Variants in RARS2 observed in about 807,000 individuals in gnomAD.
RARS2 encodes probable arginine--tRNA ligase, mitochondrial.
RARS2 carries 67 observed loss-of-function variants against 88.5 expected under a neutral mutation model. The observed-to-expected ratio is 0.76, with a 90% CI of 0.62 to 0.93. The LOEUF (loss-of-function observed/expected upper bound fraction) is 0.93. RARS2 is among the 40% of genes least tolerant of loss of function. The pLI is 0.00. For synonymous variants in RARS2, 239 were observed against 230.3 expected, an observed-to-expected ratio of 1.04 and a Z score of -0.34; for missense variants, 664 against 684.2, an observed-to-expected ratio of 0.97 and a Z score of 0.33.
rs1487679511 is a variant in RARS2, at chr6:87,576,270, A to ATT, written c.37-6682_37-6681dup. Among the ~76,000 whole-genome samples the ATT allele has an allele frequency of 8.0e-5, 7 of 87,630 alleles. 1 individual carries two copies. Among genetic ancestry groups the ATT allele is most frequent in the African/African-American group, 3.3e-4 (6 of 18,240 alleles). 57.5% of individuals were successfully genotyped at this position (87,630 alleles called of 152,430 possible). ...ACATTTACAGGTATAATAAACACAA[A>ATT]TTTCTTTTTTTTTTTTTTTTTTTTG... is the stretch of plus-strand genomic sequence containing the variant. On this transcript the variant is annotated intron_variant, in intron 1 of 19. Coordinates refer to ENST00000369536, the MANE Select transcript of RARS2 (RefSeq NM_020320.5).
intron 18 of RARS2, 106 bp from the exon 19 acceptor site, chr6:87,515,126 C>T: frequency 1.1e-6 from 1 of 890,266 alleles, no homozygotes; most frequent in Admixed American, 1.8e-5. Context: ...AAGCCCAGAA[C>T]CATTAAAGGA....
rs1012150893 is a variant in RARS2 at position 87,516,478 on chromosome 6, A to G, written c.1586+328T>C. 5.9e-5 allele frequency among the ~76,000 whole-genome samples: 9 copies of G among 152,240 alleles called. No individual in the cohort carries two copies. The East Asian group carries it at 1.7e-3, about 29-fold the overall frequency. On this transcript the variant is annotated intron_variant, in intron 18 of 19. Transcript: ENST00000369536. ...CCCAGCCACATTCCTTCTGATTAATATCTCCTTTCCTCTGAGAAGCCCTCT... is the reference window on the plus strand; with the variant it reads ...CCCAGCCACATTCCTTCTGATTAATGTCTCCTTTCCTCTGAGAAGCCCTCT...
At chr6:87,574,925 C>G (rs1215228414) in intron 1 of RARS2, among the ~76,000 whole-genome samples, 1 of 150,182 alleles carries the variant, frequency 6.7e-6, no homozygotes, top group Non-Finnish European at 1.5e-5. Flanking sequence ...TTAATGTAAT[C>G]AGAAAAATAA....
rs1360803540 is a variant in RARS2 at position 87,588,466 on chromosome 6, C to T, written c.36+1456G>A. 2.6e-5 allele frequency among the ~76,000 whole-genome samples: 4 copies of T among 152,022 alleles called. No individual in the cohort carries two copies. The East Asian group carries it at 5.8e-4, about 22-fold the overall frequency. On this transcript the variant is annotated intron_variant, in intron 1 of 19. Transcript: ENST00000369536. ...CACTGTAGCTTCAAACTCGTGGGTC[C>T]GTCCAAGTGATCCTCCAGACTCAGC...
intron 4 of RARS2, among the ~76,000 whole-genome samples, chr6:87,561,479 T>C (rs1316913115): frequency 6.6e-6 from 1 of 152,206 alleles, no homozygotes; most frequent in East Asian, 1.9e-4. Context: ...TCACGGCAAC[T>C]TGAATCTGTG....
intron 7 of RARS2, 30 bp downstream of exon 7, chr6:87,545,586 A>C (rs1386023836): frequency 1.9e-6 from 3 of 1,612,966 alleles, no homozygotes; most frequent in Non-Finnish European, 2.5e-6. Context: ...TTTACAATGA[A>C]ATGAAAAATA....
intron 2 of RARS2, among the ~76,000 whole-genome samples, chr6:87,567,328 C>G (rs1031102426): frequency 6.6e-6 from 1 of 152,140 alleles, no homozygotes; most frequent in Non-Finnish European, 1.5e-5. Flanking sequence ...TAAACTAGTC[C>G]CTGTACACTC....
chr6:87,524,283 A>G (rs1774946983), intron 11 of RARS2, among the ~76,000 whole-genome samples: 1 of 152,210 alleles, frequency 6.6e-6, no homozygotes, highest in Admixed American at 6.5e-5. Flanking sequence ...TGCTTTACCA[A>G]ATCCCAATGA....
chr6:87,574,915 TTAATG>T (rs144768773), intron 1 of RARS2, among the ~76,000 whole-genome samples: 16,244 of 151,306 alleles, frequency 0.11, 900 homozygotes, highest in East Asian at 0.15. Flanking sequence ...AATACAAAGA[TTAATG>T]TAATCAGAAA....
Position 87,515,033 on chromosome 6 carries a change from G to T in RARS2, c.1587-13C>A. ...AGCTGCAAGATGACTGAAACAGGAA[G>T]AGAGAAATCACGATAGTACCAGCAG... On this transcript the variant is annotated splice_polypyrimidine_tract_variant and intron_variant, in intron 18 of 19. Transcript: ENST00000369536. The T allele has an allele frequency of 3.1e-6, 5 of 1,603,526 alleles. No individual in the cohort carries two copies. The highest frequency in any genetic ancestry group is 4.3e-6 in the Non-Finnish European group (5 of 1,170,388).
chr6:87,573,696 C>A lies in RARS2; in HGVS notation c.37-4106G>T, dbSNP rs1452040002. Among the ~76,000 whole-genome samples, 2 of 151,516 alleles carry A rather than the reference C, an allele frequency of 1.3e-5. 1 individual carries two copies. The highest frequency in any genetic ancestry group is 4.2e-4 in the South Asian group (2 of 4,810). ...TGTATTTTTTCACAATTTAAAAAAACACACAAAAAAAAACCAAGAAGACTT... is the reference window on the plus strand; with the variant it reads ...TGTATTTTTTCACAATTTAAAAAAAAACACAAAAAAAAACCAAGAAGACTT... On this transcript the variant is annotated intron_variant, in intron 1 of 19. Coordinates refer to ENST00000369536, the MANE Select transcript of RARS2 (RefSeq NM_020320.5).
At chr6:87,580,184 T>C (rs755607096) in intron 1 of RARS2, among the ~76,000 whole-genome samples, 4 of 152,172 alleles carry the variant, frequency 2.6e-5, no homozygotes, top group Non-Finnish European at 5.9e-5. Context: ...GCTTCAGGGT[T>C]TATTTTCTTT....
intron 14 of RARS2, 62 bp from the exon 15 acceptor site, chr6:87,518,953 G>C (rs1302981772): frequency 1.3e-6 from 2 of 1,531,026 alleles, no homozygotes; most frequent in African/African-American, 2.7e-5. Flanking sequence ...ATGGATCCAA[G>C]TGAAGGTAAC....
chr6:87,568,565 C>T (rs376688597), intron 2 of RARS2, among the ~76,000 whole-genome samples: 1 of 152,124 alleles, frequency 6.6e-6, no homozygotes, highest in Non-Finnish European at 1.5e-5. Flanking sequence ...ATAGATTTTA[C>T]GAAATAGGCA....
At chr6:87,530,974 C>T (rs780964072) in intron 8 of RARS2, 32 bp from the exon 9 acceptor site, 3 of 1,612,328 alleles carry the variant, frequency 1.9e-6, no homozygotes, top group Admixed American at 1.7e-5. Flanking sequence ...AAATGAAGTA[C>T]ATAACAGGTC....
intron 11 of RARS2, 63 bp downstream of exon 11, chr6:87,524,494 T>C (rs1246164343): frequency 2.0e-5 from 24 of 1,227,556 alleles, no homozygotes; most frequent in Non-Finnish European, 2.7e-5. Context: ...TAATTGTACA[T>C]AGTGTTTCAT....
chr6:87,545,673 C>T lies in RARS2; in HGVS notation c.478G>A (p.Ala160Thr), dbSNP rs1203086013. Reference protein sequence around the residue: ...IGNFIANLKEALGHQVIRINY... With the variant: ...IGNFIANLKETLGHQVIRINY... ...ATTCTTATTACTTGATGTCCTAAAG[C>T]TTCTTTGAGATTTGCTATAAAATTT... Residue 160 changes from alanine to threonine, a missense_variant, in exon 7 of 20, where the codon GCT becomes ACT. By Grantham distance (58) the Ala-to-Thr change is moderately conservative (BLOSUM62 0). Transcript: ENST00000369536. The T allele has an allele frequency of 1.6e-5, 26 of 1,613,360 alleles. No individual in the cohort carries two copies. Among genetic ancestry groups the T allele is most frequent in the Non-Finnish European group, 2.2e-5 (26 of 1,179,768 alleles).
intron 8 of RARS2, among the ~76,000 whole-genome samples, chr6:87,532,503 T>C (rs1163089769): frequency 6.6e-6 from 1 of 152,244 alleles, no homozygotes; most frequent in Non-Finnish European, 1.5e-5. Flanking sequence ...ACAGGGTATC[T>C]AATGAACTTT....
chr6:87,537,040 C>A (rs1452013803), intron 8 of RARS2, among the ~76,000 whole-genome samples: 1 of 152,180 alleles, frequency 6.6e-6, no homozygotes, highest in Non-Finnish European at 1.5e-5. Context: ...CAAAGAAATT[C>A]TGAAACTATC....
Sources: gnomAD v4.1 joint callset for allele counts (sites outside exome capture counted in the v4.1 genomes callset) on GRCh38, gnomAD v4.1.1 for gene constraint, MANE v1.5 for transcripts, NCBI Gene and HGNC (gene_info 2026-07-23, HGNC 2026-07-21) for gene names.